The following CACTIN variants were observed in gnomAD, a reference collection of about 807,000 sequenced individuals.
CACTIN encodes the protein cactin, spliceosome C complex subunit.
Under a neutral mutation model 84.9 loss-of-function variants are expected in CACTIN, and 20 were observed. The observed-to-expected ratio is 0.24, with a 90% CI of 0.17 to 0.34. The LOEUF is 0.34. Among genes scored for constraint, CACTIN ranks in the 10% least tolerant of loss-of-function variants. CACTIN has a pLI of 1.00. For synonymous variants in CACTIN, 549 were observed against 467.9 expected (o/e 1.17, Z -2.24); for missense variants, 897 against 1,117.2 (o/e 0.80, Z 2.81).
chr19:3,625,805 C>A (rs547104354), intron 1 of CACTIN, among the ~76,000 whole-genome samples: 6 of 152,208 alleles, frequency 3.9e-5, no homozygotes, highest in Non-Finnish European at 8.8e-5. Context: ...TGAGTGTCAG[C>A]CACGAAGGGG....
chr19:3,612,030 C>T lies in CACTIN; in HGVS notation c.2170G>A (p.Val724Ile). The T allele has an allele frequency of 1.2e-6, 2 of 1,613,730 alleles. No homozygotes were observed. The highest frequency in any genetic ancestry group is 1.7e-6 in the Non-Finnish European group (2 of 1,179,904). ...PPYEDIAFKI[V>I]NREWEYSHRH... ...TGCGAGTATTCCCACTCGCGGTTGACGATCTTGAAAGCGATGTCCTCGTAG... is the reference window on the plus strand; with the variant it reads ...TGCGAGTATTCCCACTCGCGGTTGATGATCTTGAAAGCGATGTCCTCGTAG... Residue 724 changes from valine (V) to isoleucine (I), a missense_variant, in exon 10 of 10, where the codon GTC becomes ATC. By Grantham distance (29) the Val-to-Ile change is conservative. Transcript: ENST00000429344.
chr19:3,612,585 C>T (rs528615866), intron 9 of CACTIN, among the ~76,000 whole-genome samples, 172 bp from the exon 10 acceptor site: 1 of 152,324 alleles, frequency 6.6e-6, no homozygotes, highest in South Asian at 2.1e-4. Flanking sequence ...GAGACCCACA[C>T]CATCCGCCCC....
intron 7 of CACTIN, 103 bp downstream of exon 7, chr19:3,614,293 TG>T: frequency 1.7e-6 from 2 of 1,168,774 alleles, no homozygotes; most frequent in South Asian, 1.4e-5. Flanking sequence ...CCACCCCACA[TG>T]GTCCCAGGAG....
At chr19:3,618,439 G>A (rs1487081994) in intron 6 of CACTIN, among the ~76,000 whole-genome samples, 1 of 152,216 alleles carries the variant, frequency 6.6e-6, no homozygotes, top group Non-Finnish European at 1.5e-5. Context: ...GGGGAAACGT[G>A]ATTTTAAAAG....
intron 1 of CACTIN, among the ~76,000 whole-genome samples, chr19:3,624,488 G>A (rs1171397435): frequency 1.3e-5 from 2 of 152,196 alleles, no homozygotes; most frequent in Non-Finnish European, 1.5e-5. Flanking sequence ...GGTCTGGAGG[G>A]AGTGGGGAGG....
In CACTIN at chr19:3,610,730, C is replaced by T. The variant is rs577156253; in HGVS notation, c.*1193G>A. 3.1e-4 allele frequency: 140 copies of T among 456,720 alleles called. 6 individuals carry two copies. Among genetic ancestry groups the T allele is most frequent in the South Asian group, 1.7e-3 (111 of 64,502 alleles). The allele number at this position is 456,720 out of a possible 1,614,324, so 28.3% of individuals were successfully genotyped here. ...TGAGAACAAAAGATTTTTTTTCCCA[C>T]CTACAAGTCTTTTTAGAGAAACAAA... On this transcript the variant is annotated 3_prime_UTR_variant, in exon 10 of 10. Coordinates refer to ENST00000429344, the MANE Select transcript of CACTIN (RefSeq NM_001080543.2).
In CACTIN at chr19:3,613,066, T is replaced by G; in HGVS notation, c.1778A>C (p.Gln593Pro). Residue 593 changes from glutamine to proline, a missense_variant, in exon 9 of 10, where the codon CAG (glutamine) becomes CCG (proline). Coordinates refer to ENST00000429344, the MANE Select transcript of CACTIN (RefSeq NM_001080543.2). ...QRLQLSRQQL[Q>P]VTGDASESAE... is the part of the protein sequence containing the mutation. ...TCCAGCCCCGCCCTTACCCGTGACC[T>G]GGAGCTGCTGGCGCGAGAGCTGCAG... The G allele has an allele frequency of 7.5e-7, 1 of 1,337,746 alleles. No homozygotes were observed. Among genetic ancestry groups the G allele is most frequent in the Non-Finnish European group, 9.8e-7 (1 of 1,018,816 alleles). The allele number at this position is 1,337,746 out of a possible 1,614,324, so 82.9% of individuals were successfully genotyped here.
chr19:3,612,761 CCAGT>C (rs764481235), intron 9 of CACTIN: 100 of 698,160 alleles, frequency 1.4e-4, no homozygotes, highest in Non-Finnish European at 2.4e-4. Context: ...TTTTCTGAAG[CCAGT>C]ATTTTCTCCT....
intron 7 of CACTIN, 66 bp downstream of exon 7, chr19:3,614,331 T>C: frequency 6.8e-7 from 1 of 1,475,544 alleles, no homozygotes; most frequent in Non-Finnish European, 9.2e-7. Context: ...CACCCAGGAC[T>C]CAGGAGGGGG....
At chr19:3,620,834 C>A in intron 2 of CACTIN, 32 bp from the exon 3 acceptor site, 1 of 1,567,328 alleles carries the variant, frequency 6.4e-7, no homozygotes, top group South Asian at 1.1e-5. Flanking sequence ...GCCCTGAGCA[C>A]AGACCCGCCC....
chr19:3,617,019 G>C (rs1171821143), intron 6 of CACTIN, among the ~76,000 whole-genome samples: 1 of 152,196 alleles, frequency 6.6e-6, no homozygotes, highest in South Asian at 2.1e-4. Flanking sequence ...TACTTGGGCA[G>C]CTGAGGCAGG....
chr19:3,614,692 C>T lies in CACTIN; in HGVS notation c.1163-103G>A. 10 of 886,144 alleles carry T rather than the reference C, an allele frequency of 1.1e-5. 1 individual carries two copies. In the South Asian group the frequency reaches 1.3e-4, roughly 12 times the overall value. 54.9% of individuals were successfully genotyped at this position (886,144 alleles called of 1,614,324 possible). ...TGCCATGGGGGGGTCCCCCTCCCCTCCTCTTCCCCCACAGGGGTCCCATCC... is the reference window on the plus strand; with the variant it reads ...TGCCATGGGGGGGTCCCCCTCCCCTTCTCTTCCCCCACAGGGGTCCCATCC... On this transcript the variant is annotated intron_variant, in intron 6 of 9. Transcript: ENST00000429344.
intron 3 of CACTIN, 174 bp from the exon 4 acceptor site, chr19:3,620,446 C>T (rs150792174): frequency 4.5e-5 from 36 of 805,784 alleles, no homozygotes; most frequent in African/African-American, 1.3e-4. Context: ...CCCTCCTGCC[C>T]GAGACTCAGC....
At chr19:3,624,309 TG>T in intron 1 of CACTIN, 147 bp from the exon 2 acceptor site, 1 of 714,490 alleles carries the variant, frequency 1.4e-6, no homozygotes, top group Middle Eastern at 3.9e-4. Flanking sequence ...TCTGCCTTCC[TG>T]GGCTCACCCT....
intron 7 of CACTIN, 47 bp downstream of exon 7, chr19:3,614,350 A>C (rs974780399): frequency 6.5e-6 from 10 of 1,537,046 alleles, no homozygotes; most frequent in Middle Eastern, 1.9e-4. Context: ...GGCGAAACCC[A>C]TCCCACCCGG....
In CACTIN at chr19:3,613,071, C is replaced by T; in HGVS notation, c.1773G>A (p.Gln591=). 2 of 1,563,140 alleles carry T rather than the reference C, an allele frequency of 1.3e-6. No homozygotes were observed. The highest frequency in any genetic ancestry group is 2.3e-5 in the East Asian group (1 of 42,844). ...CCCCGCCCTTACCCGTGACCTGGAG[C>T]TGCTGGCGCGAGAGCTGCAGGCGCT... The part of the protein sequence containing the change: ...DLQRLQLSRQ[Q]LQVTGDASES... The change falls in exon 9 of 10, where the codon CAG becomes CAA. Residue 591 remains glutamine, a synonymous_variant. Transcript: ENST00000429344.
intron 2 of CACTIN, among the ~76,000 whole-genome samples, chr19:3,621,238 G>A (rs2033218328): frequency 6.6e-6 from 1 of 152,248 alleles, no homozygotes. Flanking sequence ...GGACAGGGCA[G>A]GAACAGTGAG....
At position 3,611,975 on chromosome 19, in the gene CACTIN, T is replaced by C. The variant is rs764641492; in HGVS notation, c.2225A>G (p.Asn742Ser). The change falls in exon 10 of 10, where the codon AAC becomes AGC. Residue 742 changes from asparagine to serine, a missense_variant. Physicochemically the swap from Asn to Ser is conservative, Grantham distance 46 (BLOSUM62 1). Around this residue, in one of 8 missense-constraint regions of CACTIN, gnomAD observed 21 missense variants for 61.8 expected, o/e 0.34. Transcript: ENST00000429344. ...HRHGFRCQFA[N>S]GIFQLWFHFK... ...GTGAAACCACAGCTGGAAGATGCCG[T>C]TGGCAAACTGGCAGCGGAAGCCGTG... 3.2e-5 allele frequency: 52 copies of C among 1,613,556 alleles called. No homozygotes were observed. The highest frequency in any genetic ancestry group is 6.7e-5 in the East Asian group (3 of 44,898).
intron 6 of CACTIN, among the ~76,000 whole-genome samples, chr19:3,617,057 G>A (rs1405252687): frequency 1.3e-5 from 2 of 152,166 alleles, no homozygotes; most frequent in South Asian, 2.1e-4. Flanking sequence ...GGAGGCAGAG[G>A]TCACAGTGAG....
Sources: allele counts gnomAD v4.1 joint callset (sites outside exome capture counted in the v4.1 genomes callset), GRCh38; gene constraint gnomAD v4.1.1; regional missense constraint gnomAD v4.1.1; transcripts MANE v1.5; gene names NCBI Gene and HGNC (gene_info 2026-07-23, HGNC 2026-07-21).